MARCHF10: variants seen among roughly 807,000 people sequenced by gnomAD.
MARCHF10 encodes membrane associated ring-CH-type finger 10.
In MARCHF10, 64 loss-of-function variants were observed where a neutral mutation model predicts 76.2. The ratio of observed to expected loss-of-function variants is 0.84; its 90% CI spans 0.69 to 1.03. MARCHF10 has a LOEUF of 1.03. Ranked by LOEUF, MARCHF10 falls within the 50% of genes least tolerant of loss-of-function variation. The pLI is 0.00. For synonymous variants in MARCHF10, 340 were observed against 357.5 expected, an observed-to-expected ratio of 0.95 and a Z score of 0.55; for missense variants, 875 against 958.0, an observed-to-expected ratio of 0.91 and a Z score of 1.14.
At chr17:62,806,713 C>T (rs1230235741) in intron 1 of MARCHF10, 1 of 152,198 alleles carries the variant, frequency 6.6e-6, no homozygotes, top group Non-Finnish European at 1.5e-5. Context: ...TTGTGACATA[C>T]ACGTTCTTCT....
intron 5 of MARCHF10, among the ~76,000 whole-genome samples, chr17:62,744,062 T>G (rs748539522): frequency 1.1e-4 from 16 of 151,936 alleles, no homozygotes; most frequent in South Asian, 2.1e-4. Flanking sequence ...CCATCCACCA[T>G]CCAAATGCCC....
At chr17:62,743,757 G>A (rs886689174) in intron 5 of MARCHF10, among the ~76,000 whole-genome samples, 53 of 152,344 alleles carry the variant, frequency 3.5e-4, no homozygotes, top group African/African-American at 1.2e-3. Flanking sequence ...GGTTGACTGT[G>A]AGGTGATGCT....
At chr17:62,765,995 A>C (rs1167353426) in intron 3 of MARCHF10, among the ~76,000 whole-genome samples, 2 of 150,410 alleles carry the variant, frequency 1.3e-5, no homozygotes, top group Non-Finnish European at 3.0e-5. Context: ...GGAGTTTGAG[A>C]CCAGCCTGGG....
intron 2 of MARCHF10, among the ~76,000 whole-genome samples, chr17:62,790,425 C>T (rs922811725): frequency 1.3e-5 from 2 of 152,222 alleles, no homozygotes; most frequent in Non-Finnish European, 2.9e-5. Flanking sequence ...ATCGGCCTGC[C>T]TCAGCCTCCC....
intron 8 of MARCHF10, among the ~76,000 whole-genome samples, chr17:62,719,400 A>G (rs1367395229): frequency 6.6e-6 from 1 of 152,092 alleles, no homozygotes; most frequent in Admixed American, 6.6e-5. Flanking sequence ...ATAATTTTGC[A>G]GGGTACAGAA....
At chr17:62,732,992 C>CAAAAAAAAAAAAAAAAAA (rs398041783) in intron 6 of MARCHF10, among the ~76,000 whole-genome samples, 2 of 66,540 alleles carry the variant, frequency 3.0e-5, no homozygotes, top group African/African-American at 5.3e-5. Context: ...GACTCAGTCT[C>CAAAAAAAAAAAAAAAAAA]AAAAAAAAAA....
chr17:62,735,229 A>G (rs1240626534), intron 6 of MARCHF10: 2 of 152,248 alleles, frequency 1.3e-5, no homozygotes, highest in Non-Finnish European at 2.9e-5. Flanking sequence ...AACACCTATC[A>G]TAAATGAAAT....
At chr17:62,777,713 C>CAAAAAAAAAAAAAAA (rs386386400) in intron 3 of MARCHF10, among the ~76,000 whole-genome samples, 1 of 59,664 alleles carries the variant, frequency 1.7e-5, no homozygotes. Context: ...GACTCCATCT[C>CAAAAAAAAAAAAAAA]AAAAAAAAAA....
Position 62,722,395 on chromosome 17 carries a change from C to G in MARCHF10, c.2214+93G>C, listed in dbSNP as rs1165585818. 4.7e-6 allele frequency: 4 copies of G among 842,322 alleles called. No individual in the cohort carries two copies. In the Admixed American group the frequency reaches 8.9e-5, roughly 19 times the overall value. The allele number at this position is 842,322 out of a possible 1,614,324, so 52.2% of individuals were successfully genotyped here. On this transcript the variant is annotated intron_variant, in intron 8 of 10. Transcript: ENST00000311269. ...TCAGACTCCTGCCAGCAGAGACCTT[C>G]TACATTTCTTAGATCAGGGAAGGGG...
chr17:62,790,412 G>A (rs534150407), intron 2 of MARCHF10, among the ~76,000 whole-genome samples: 1 of 152,290 alleles, frequency 6.6e-6, no homozygotes, highest in South Asian at 2.1e-4. Context: ...CTGACCTCAG[G>A]TGATCGGCCT....
chr17:62,711,455 A>G lies in MARCHF10; in HGVS notation c.2215-111T>C. ...GTGACAAGAACTGGGAGAAGAGCCC[A>G]AGCTCCAAGGCAAGGCCTGCTCTTG... On this transcript the variant is annotated intron_variant, in intron 8 of 10. Transcript: ENST00000311269. The surrounding 1 kb of genome is among the most constrained non-coding windows in gnomAD (Gnocchi z 4.4). 1 of 995,104 alleles carries G rather than the reference A, an allele frequency of 1.0e-6. No individual in the cohort carries two copies. Among genetic ancestry groups the G allele is most frequent in the South Asian group, 1.5e-5 (1 of 66,628 alleles). 61.6% of individuals were successfully genotyped at this position (995,104 alleles called of 1,614,324 possible).
chr17:62,744,978 TG>T (rs2091650267), intron 4 of MARCHF10, among the ~76,000 whole-genome samples: 1 of 112,422 alleles, frequency 8.9e-6, no homozygotes, highest in Admixed American at 1.2e-4. Flanking sequence ...CACTCCAGCC[TG>T]GGCAACACAG....
intron 3 of MARCHF10, among the ~76,000 whole-genome samples, chr17:62,761,411 ATTTCTTTTTTCTTTT>A (rs2092197490): frequency 6.6e-6 from 1 of 151,996 alleles, no homozygotes; most frequent in South Asian, 2.1e-4. Flanking sequence ...ACATTAGGTC[ATTTCTTTTTTCTTTT>A]TTTCTTTTTT....
intron 4 of MARCHF10, chr17:62,750,427 C>T: frequency 6.5e-6 from 1 of 153,994 alleles, no homozygotes; most frequent in Non-Finnish European, 1.5e-5. Flanking sequence ...GCACTAGTGG[C>T]AGGAGGAGGC....
intron 9 of MARCHF10, among the ~76,000 whole-genome samples, chr17:62,709,273 A>G (rs1460434394): frequency 2.0e-5 from 3 of 152,194 alleles, no homozygotes; most frequent in Admixed American, 6.5e-5. Context: ...TGAGGTCAGG[A>G]GTTCGAGACC....
At chr17:62,769,230 A>G (rs1170607225) in intron 3 of MARCHF10, among the ~76,000 whole-genome samples, 2 of 152,190 alleles carry the variant, frequency 1.3e-5, no homozygotes, top group African/African-American at 4.8e-5. Flanking sequence ...GATTTCTCCA[A>G]TGTAAAGGTA....
intron 1 of MARCHF10, among the ~76,000 whole-genome samples, chr17:62,806,831 C>T (rs2093171976): frequency 6.6e-6 from 1 of 152,220 alleles, no homozygotes; most frequent in African/African-American, 2.4e-5. Context: ...TACGTACCAT[C>T]CCTCTGTTTT....
At chr17:62,761,210 A>G (rs1370759717) in intron 3 of MARCHF10, among the ~76,000 whole-genome samples, 1 of 152,210 alleles carries the variant, frequency 6.6e-6, no homozygotes, top group Admixed American at 6.5e-5. Context: ...CATATTTTAA[A>G]TTTAGAGTTT....
At chr17:62,752,437 A>G (rs1599226694) in intron 4 of MARCHF10, among the ~76,000 whole-genome samples, 1 of 152,176 alleles carries the variant, frequency 6.6e-6, no homozygotes, top group South Asian at 2.1e-4. Flanking sequence ...CAAAGGCAAC[A>G]CCGCAAAAGG....
Sources: allele counts gnomAD v4.1 joint callset (sites outside exome capture counted in the v4.1 genomes callset), GRCh38; gene constraint gnomAD v4.1.1; non-coding constraint Gnocchi (gnomAD v3.1); transcripts MANE v1.5; gene names NCBI Gene and HGNC (gene_info 2026-07-23, HGNC 2026-07-21).